The following BTG4 variants were observed in gnomAD, a reference collection of about 807,000 sequenced individuals.
BTG4 encodes the protein protein BTG4.
BTG4 carries 10 observed loss-of-function variants against 19.3 expected under a neutral mutation model. The ratio of observed to expected loss-of-function variants is 0.52; its 90% confidence interval spans 0.32 to 0.88. The LOEUF is 0.88. Ranked by LOEUF, BTG4 falls within the 40% of genes least tolerant of loss-of-function variation. BTG4 has a pLI of 0.04. For missense variants in BTG4, 238 were observed against 281.9 expected (o/e 0.84, Z 1.11); for synonymous variants, 91 against 95.7 (o/e 0.95, Z 0.29).
At chr11:111,410,014 G>A in the BTG4 span, among the ~76,000 whole-genome samples, 1 of 152,298 alleles carries the variant, frequency 6.6e-6, no homozygotes, top group Admixed American at 6.5e-5. Flanking sequence ...GGAAGTTGAA[G>A]ACAGATCTCC....
intron 1 of BTG4, among the ~76,000 whole-genome samples, chr11:111,503,615 A>G (rs897914046): frequency 6.6e-6 from 1 of 152,286 alleles, no homozygotes; most frequent in Admixed American, 6.5e-5. Flanking sequence ...TGGGCGAAGA[A>G]CCACAGAAAA....
At chr11:111,508,314 T>G (rs1281987590) in intron 1 of BTG4, among the ~76,000 whole-genome samples, 1 of 152,034 alleles carries the variant, frequency 6.6e-6, no homozygotes, top group African/African-American at 2.4e-5. Context: ...AACAACACAT[T>G]GTATACATCT....
the BTG4 span, among the ~76,000 whole-genome samples, chr11:111,423,112 C>T: frequency 6.6e-6 from 1 of 152,144 alleles, no homozygotes; most frequent in Admixed American, 6.5e-5. Context: ...AGAAGAGACC[C>T]CTGTTGGCCA....
the BTG4 span, chr11:111,404,471 C>A: frequency 1.3e-5 from 5 of 386,744 alleles, no homozygotes; most frequent in South Asian, 7.7e-5. Context: ...GGTTAGGAAG[C>A]ATTTTCTAGG....
the BTG4 span, among the ~76,000 whole-genome samples, chr11:111,453,833 C>A: frequency 2.4e-4 from 37 of 152,308 alleles, no homozygotes; most frequent in African/African-American, 8.4e-4. Context: ...TAACCGTGTA[C>A]AAAGCAGCCA....
chr11:111,478,468 C>T (rs1712430041), intron 5 of BTG4, among the ~76,000 whole-genome samples: 3 of 152,188 alleles, frequency 2.0e-5, no homozygotes, highest in African/African-American at 7.2e-5. Flanking sequence ...TCATTCATCA[C>T]ACTAAAAACC....
At chr11:111,503,019 T>C (rs926916909) in intron 1 of BTG4, among the ~76,000 whole-genome samples, 1 of 152,220 alleles carries the variant, frequency 6.6e-6, no homozygotes, top group African/African-American at 2.4e-5. Flanking sequence ...ACTCACTTAG[T>C]GACTATTTAC....
At chr11:111,400,204 A>G in the BTG4 span, among the ~76,000 whole-genome samples, 1 of 152,182 alleles carries the variant, frequency 6.6e-6, no homozygotes, top group Non-Finnish European at 1.5e-5. Context: ...TAAAGGGAGG[A>G]TACCAGAGCA....
chr11:111,395,057 G>A, the BTG4 span, among the ~76,000 whole-genome samples: 1 of 152,248 alleles, frequency 6.6e-6, no homozygotes, highest in Non-Finnish European at 1.5e-5. Flanking sequence ...AGGCCAAATG[G>A]CCTGAAAATA....
the BTG4 span, chr11:111,384,857 A>G: frequency 1.3e-5 from 2 of 152,178 alleles, no homozygotes; most frequent in Non-Finnish European, 2.9e-5. Context: ...AGTCCAGAGA[A>G]CACCATTTAT....
chr11:111,404,752 A>C, the BTG4 span: 2 of 434,556 alleles, frequency 4.6e-6, no homozygotes, highest in Non-Finnish European at 9.2e-6. Flanking sequence ...CATTCATGCT[A>C]GGAGACATGA....
At chr11:111,401,070 A>ACAAC in the BTG4 span, 1 of 150,694 alleles carries the variant, frequency 6.6e-6, no homozygotes, top group Non-Finnish European at 1.5e-5. Flanking sequence ...AAAAAAAAAA[A>ACAAC]AAAAAAAAAA....
the BTG4 span, chr11:111,455,067 C>T: frequency 3.0e-4 from 135 of 455,458 alleles, no homozygotes; most frequent in African/African-American, 2.5e-3. Flanking sequence ...TTCTGAGGAG[C>T]GTGCAGAGGG....
chr11:111,495,067 C>T lies in BTG4; in HGVS notation c.*68G>A. 7.1e-7 allele frequency: 1 copy of T among 1,415,500 alleles called. No homozygotes were observed. The allele number at this position is 1,415,500 out of a possible 1,614,324, so 87.7% of individuals were successfully genotyped here. ...TTCATGGGCCTCTCAACCTTAAATT[C>T]ATTTTTATTTTAGAGAGAATAAAGG... On this transcript the variant is annotated 3_prime_UTR_variant, in exon 5 of 5. Coordinates refer to ENST00000692032, the MANE Select transcript of BTG4 (RefSeq NM_001367975.1).
downstream of BTG4, among the ~76,000 whole-genome samples, chr11:111,493,888 C>G (rs1013563390): frequency 2.0e-5 from 3 of 152,174 alleles, no homozygotes; most frequent in South Asian, 6.2e-4. Context: ...GCTCCCTCCC[C>G]CTTCATCAGC....
intron 1 of BTG4, among the ~76,000 whole-genome samples, chr11:111,509,229 A>G (rs1866677336): frequency 6.6e-6 from 1 of 152,214 alleles, no homozygotes; most frequent in African/African-American, 2.4e-5. Flanking sequence ...AAATAGATTC[A>G]ATTATTTTTA....
At chr11:111,431,894 T>C in the BTG4 span, among the ~76,000 whole-genome samples, 22,685 of 152,184 alleles carry the variant, frequency 0.15, 2,257 homozygotes, top group African/African-American at 0.28. Context: ...GCTGTCACGA[T>C]GCTTGGTTGG....
chr11:111,473,146 C>G (rs937062241), intron 5 of BTG4, among the ~76,000 whole-genome samples: 1 of 151,532 alleles, frequency 6.6e-6, no homozygotes, highest in Non-Finnish European at 1.5e-5. Flanking sequence ...AATGTTAGTC[C>G]TCTGCTAACC....
chr11:111,403,581 C>T, the BTG4 span, among the ~76,000 whole-genome samples: 2 of 152,204 alleles, frequency 1.3e-5, no homozygotes, highest in African/African-American at 2.4e-5. Context: ...CACTATGGGG[C>T]CTACAATTGT....
Sources: allele counts gnomAD v4.1 joint callset (sites outside exome capture counted in the v4.1 genomes callset), GRCh38; gene constraint gnomAD v4.1.1; transcripts MANE v1.5; gene names NCBI Gene and HGNC (gene_info 2026-07-23, HGNC 2026-07-21).